The following ELL2 variants were observed in gnomAD, a reference collection of about 807,000 sequenced individuals.
ELL2 encodes elongation factor for RNA polymerase II 2.
Under a neutral mutation model 72.8 loss-of-function variants are expected in ELL2, and 21 were observed. The ratio of observed to expected loss-of-function variants is 0.29; its 90% CI spans 0.20 to 0.42. The LOEUF (loss-of-function observed/expected upper bound fraction) is 0.42, where lower values mean the gene tolerates loss of function less well. Ranked by LOEUF, ELL2 falls within the 10% of genes least tolerant of loss-of-function variation. ELL2 has a pLI of 1.00. For missense variants in ELL2, 568 were observed against 772.8 expected, an observed-to-expected ratio of 0.73 and a Z score of 3.14; for synonymous variants, 266 against 283.2, an observed-to-expected ratio of 0.94 and a Z score of 0.61.
At chr5:95,902,340 A>G (rs1158331294) in intron 5 of ELL2, among the ~76,000 whole-genome samples, 1 of 152,214 alleles carries the variant, frequency 6.6e-6, no homozygotes, top group Non-Finnish European at 1.5e-5. Flanking sequence ...AAATGAAAAC[A>G]TATGCCTAGA....
intron 1 of ELL2, among the ~76,000 whole-genome samples, chr5:95,947,564 C>T (rs890729355): frequency 6.6e-5 from 10 of 152,258 alleles, no homozygotes; most frequent in Admixed American, 2.6e-4. Context: ...TCATTATCCC[C>T]CATTTCAGAG....
chr5:95,893,125 T>G (rs1021710448), intron 9 of ELL2, among the ~76,000 whole-genome samples: 3 of 152,160 alleles, frequency 2.0e-5, no homozygotes, highest in Non-Finnish European at 2.9e-5. Flanking sequence ...CTTAGGGAAA[T>G]TATTCAATGA....
At chr5:95,921,782 A>G (rs1202975904) in intron 2 of ELL2, among the ~76,000 whole-genome samples, 1 of 152,206 alleles carries the variant, frequency 6.6e-6, no homozygotes, top group African/African-American at 2.4e-5. Flanking sequence ...ATAGGTAAGA[A>G]AGGTGTGGAC....
Position 95,961,541 on chromosome 5 carries a change from T to C in ELL2, c.147+34A>G, listed in dbSNP as rs1214468311. 3 of 1,537,726 alleles carry C rather than the reference T, an allele frequency of 2.0e-6. No individual in the cohort carries two copies. The Admixed American group carries it at 6.0e-5, about 31-fold the overall frequency. ...CAGGCCGTGAGGGGTGCGCTCTGCC[T>C]CTCTGAGCCCAGCCTGCCGGCCGGC... On this transcript the variant is annotated intron_variant, in intron 1 of 11. Coordinates refer to ENST00000237853, the MANE Select transcript of ELL2 (RefSeq NM_012081.6).
intron 2 of ELL2, among the ~76,000 whole-genome samples, chr5:95,924,929 T>C (rs1750232408): frequency 6.6e-6 from 1 of 152,180 alleles, no homozygotes; most frequent in Non-Finnish European, 1.5e-5. Flanking sequence ...ACGTCCTATT[T>C]ACATAAGGAT....
intron 9 of ELL2, among the ~76,000 whole-genome samples, chr5:95,895,062 A>C (rs74543823): frequency 1.3e-5 from 2 of 152,244 alleles, no homozygotes; most frequent in African/African-American, 4.8e-5. Flanking sequence ...TGTGATAACC[A>C]GTTACAAAAA....
chr5:95,959,484 CA>C (rs1333018060), intron 1 of ELL2, among the ~76,000 whole-genome samples: 1 of 152,178 alleles, frequency 6.6e-6, no homozygotes, highest in Admixed American at 6.5e-5. Flanking sequence ...TTCCATCTTG[CA>C]AGGCTGAGTT....
chr5:95,957,843 G>T (rs1170813947), intron 1 of ELL2, among the ~76,000 whole-genome samples: 1 of 152,048 alleles, frequency 6.6e-6, no homozygotes, highest in African/African-American at 2.4e-5. Flanking sequence ...CTGTAAATTT[G>T]CTCAATTACA....
chr5:95,950,457 T>A (rs1310314581), intron 1 of ELL2, among the ~76,000 whole-genome samples: 3 of 152,174 alleles, frequency 2.0e-5, no homozygotes, highest in Non-Finnish European at 4.4e-5. Flanking sequence ...ATCAGACAGT[T>A]GATCCTGAAG....
At chr5:95,892,491 G>A (rs916803049) in intron 9 of ELL2, among the ~76,000 whole-genome samples, 2 of 152,030 alleles carry the variant, frequency 1.3e-5, no homozygotes, top group Admixed American at 6.5e-5. Context: ...TGGGAACTGG[G>A]ATCACATAAG....
intron 1 of ELL2, among the ~76,000 whole-genome samples, chr5:95,951,598 G>GT (rs1021291800): frequency 5.5e-4 from 81 of 147,516 alleles, no homozygotes; most frequent in Admixed American, 7.4e-4. Flanking sequence ...GGAAGATGAA[G>GT]TTTTTTTTTT....
chr5:95,889,746 G>A (rs956515598), intron 10 of ELL2, among the ~76,000 whole-genome samples: 17 of 151,952 alleles, frequency 1.1e-4, no homozygotes, highest in Admixed American at 1.3e-4. Flanking sequence ...AATTAAATAC[G>A]GTATATATGT....
rs11436515 is a variant in ELL2, at chr5:95,937,503, CA to C, written c.195+5498del. On this transcript the variant is annotated intron_variant, in intron 2 of 11. Transcript: ENST00000237853. ...TGGGCGACAGAGCAAGACTCCGTCTCAAAAAAAAAAAAAGTGTGTGTGTACG... is the reference window on the plus strand; with the variant it reads ...TGGGCGACAGAGCAAGACTCCGTCTCAAAAAAAAAAAAGTGTGTGTGTACG... 3.0e-3 allele frequency among the ~76,000 whole-genome samples: 408 copies of C among 134,888 alleles called. 5 individuals are homozygous for C. Among genetic ancestry groups the C allele is most frequent in the Admixed American group, 3.7e-3 (50 of 13,520 alleles). 88.5% of individuals were successfully genotyped at this position (134,888 alleles called of 152,430 possible).
In ELL2 at chr5:95,920,689, A is replaced by G. The variant is rs138314351; in HGVS notation, c.196-1144T>C. ...GTGCAATTGGAATCTTCTGTCCTTC[A>G]ACTGCTCCACTCTTCCTAGTGTCTG... On this transcript the variant is annotated intron_variant, in intron 2 of 11. Transcript: ENST00000237853. Among the ~76,000 whole-genome samples the G allele has an allele frequency of 6.8e-3, 1,041 of 152,140 alleles. 11 individuals are homozygous for G. The highest frequency in any genetic ancestry group is 0.023 in the African/African-American group (961 of 41,480).
At chr5:95,907,701 C>G (rs950781783) in intron 4 of ELL2, among the ~76,000 whole-genome samples, 3 of 152,200 alleles carry the variant, frequency 2.0e-5, no homozygotes, top group Non-Finnish European at 4.4e-5. Flanking sequence ...TATGATTCTA[C>G]AGGTGGAATC....
chr5:95,935,768 C>T (rs1304339662), intron 2 of ELL2, among the ~76,000 whole-genome samples: 1 of 152,162 alleles, frequency 6.6e-6, no homozygotes, highest in Non-Finnish European at 1.5e-5. Context: ...TGAATAATGG[C>T]CTCACCACCT....
intron 2 of ELL2, among the ~76,000 whole-genome samples, chr5:95,930,845 TGTA>T (rs1336394155): frequency 6.6e-6 from 1 of 152,182 alleles, no homozygotes; most frequent in Non-Finnish European, 1.5e-5. Flanking sequence ...TTAATTAAAT[TGTA>T]GTCAAATCTT....
intron 5 of ELL2, among the ~76,000 whole-genome samples, chr5:95,905,878 C>A (rs2112288669): frequency 6.6e-6 from 1 of 150,944 alleles, no homozygotes; most frequent in South Asian, 2.1e-4. Context: ...GACAGATGGA[C>A]AGAAGGAAGG....
chr5:95,907,853 C>A (rs528098783), intron 4 of ELL2, among the ~76,000 whole-genome samples: 1 of 152,210 alleles, frequency 6.6e-6, no homozygotes, highest in African/African-American at 2.4e-5. Context: ...GTAAAAGCAG[C>A]TCCTATAAGC....
Sources: allele counts gnomAD v4.1 joint callset (sites outside exome capture counted in the v4.1 genomes callset), GRCh38; gene constraint gnomAD v4.1.1; transcripts MANE v1.5; gene names NCBI Gene and HGNC (gene_info 2026-07-23, HGNC 2026-07-21).